FBXL17: variants seen among roughly 807,000 people sequenced by gnomAD.
FBXL17 encodes the protein F-box and leucine rich repeat protein 17.
A neutral mutation model predicts 66.2 loss-of-function variants in FBXL17; 22 were observed. That is an observed-to-expected ratio of 0.33 (90% confidence interval 0.24 to 0.47). The LOEUF (loss-of-function observed/expected upper bound fraction) is 0.47. Ranked by LOEUF, FBXL17 falls within the 20% of genes least tolerant of loss-of-function variation. The probability of loss-of-function intolerance (pLI) is 1.00; values close to 1 mark genes in which losing one functional copy is unlikely to be tolerated. For missense variants in FBXL17, 878 were observed against 948.2 expected (o/e 0.93, Z 0.97); for synonymous variants, 474 against 400.5 (o/e 1.18, Z -2.19).
At chr5:108,098,635 C>T (rs1749479109) in intron 6 of FBXL17, among the ~76,000 whole-genome samples, 1 of 151,284 alleles carries the variant, frequency 6.6e-6, no homozygotes, top group African/African-American at 2.4e-5. Context: ...GTCCCAGCTA[C>T]TCGGGAGGCT....
rs556375472 is a variant in FBXL17 at position 107,868,836 on chromosome 5, A to G, written c.1966-6976T>C. Among the ~76,000 whole-genome samples, 132 of 152,314 alleles carry G rather than the reference A, an allele frequency of 8.7e-4. 1 individual carries two copies. Among genetic ancestry groups the G allele is most frequent in the African/African-American group, 3.1e-3 (129 of 41,558 alleles). On this transcript the variant is annotated intron_variant, in intron 8 of 8. Transcript: ENST00000542267. The stretch of plus-strand genomic sequence containing the variant: ...AAAGAGGTGTCAGCCTGTGTACCAC[A>G]TGCACAAAATATGCACATATTTTTC...
At chr5:108,335,997 T>C (rs1291214730) in intron 4 of FBXL17, among the ~76,000 whole-genome samples, 2 of 152,128 alleles carry the variant, frequency 1.3e-5, no homozygotes, top group African/African-American at 4.8e-5. Context: ...CCTCTCAAAT[T>C]GTCCAAATGT....
chr5:108,170,163 CA>C (rs1382299006), intron 6 of FBXL17, among the ~76,000 whole-genome samples: 7 of 151,772 alleles, frequency 4.6e-5, no homozygotes, highest in Admixed American at 1.3e-4. Flanking sequence ...ATATCAACAC[CA>C]AAAATAGGAA....
At chr5:108,270,815 T>G (rs1008460867) in intron 4 of FBXL17, among the ~76,000 whole-genome samples, 1 of 151,934 alleles carries the variant, frequency 6.6e-6, no homozygotes, top group Non-Finnish European at 1.5e-5. Flanking sequence ...AATTGAAGAG[T>G]TGACAGTTTT....
intron 6 of FBXL17, among the ~76,000 whole-genome samples, chr5:108,022,114 A>T (rs1021067912): frequency 4.6e-5 from 7 of 151,870 alleles, no homozygotes; most frequent in Non-Finnish European, 1.0e-4. Flanking sequence ...TTTTTTAAAA[A>T]TTTTTTATGG....
chr5:107,968,383 G>T (rs1481207895), intron 7 of FBXL17, among the ~76,000 whole-genome samples: 1 of 152,112 alleles, frequency 6.6e-6, no homozygotes, highest in African/African-American at 2.4e-5. Flanking sequence ...AAACCGAGAT[G>T]TAAGCATAAA....
intron 6 of FBXL17, among the ~76,000 whole-genome samples, chr5:108,180,124 G>A (rs913300304): frequency 6.6e-6 from 1 of 152,152 alleles, no homozygotes; most frequent in Admixed American, 6.5e-5. Context: ...TTTAAATACT[G>A]TATATGCCAA....
intron 7 of FBXL17, among the ~76,000 whole-genome samples, chr5:108,016,765 T>C (rs935981002): frequency 7.8e-6 from 1 of 128,060 alleles, no homozygotes; most frequent in Admixed American, 8.1e-5. Context: ...AAATTATCTT[T>C]TTTTCTTTCT....
At chr5:107,924,777 C>A (rs1375990890) in intron 7 of FBXL17, among the ~76,000 whole-genome samples, 3 of 152,126 alleles carry the variant, frequency 2.0e-5, no homozygotes, top group South Asian at 2.1e-4. Flanking sequence ...ATTGAGTAAA[C>A]CATCCATCAC....
At chr5:108,370,822 G>T (rs1439105446) in intron 1 of FBXL17, among the ~76,000 whole-genome samples, 1 of 151,332 alleles carries the variant, frequency 6.6e-6, no homozygotes, top group Non-Finnish European at 1.5e-5. Context: ...GCCCACTACA[G>T]CCTTTTACTT....
intron 4 of FBXL17, among the ~76,000 whole-genome samples, chr5:108,261,408 A>C (rs1756815109): frequency 6.6e-6 from 1 of 152,158 alleles, no homozygotes; most frequent in Non-Finnish European, 1.5e-5. Flanking sequence ...GGTATGGTTA[A>C]ATTTTAGAAC....
At chr5:107,908,945 G>A (rs1037893584) in intron 7 of FBXL17, among the ~76,000 whole-genome samples, 6 of 152,160 alleles carry the variant, frequency 3.9e-5, no homozygotes, top group Non-Finnish European at 5.9e-5. Flanking sequence ...ATCTGCCGTT[G>A]TCAGTGCACA....
At chr5:108,020,573 T>C (rs1754554777) in intron 7 of FBXL17, among the ~76,000 whole-genome samples, 1 of 151,892 alleles carries the variant, frequency 6.6e-6, no homozygotes, top group Non-Finnish European at 1.5e-5. Flanking sequence ...ATAAACTCAA[T>C]GTAATAATTT....
chr5:108,052,006 A>G (rs1027394770), intron 6 of FBXL17, among the ~76,000 whole-genome samples: 2 of 150,898 alleles, frequency 1.3e-5, no homozygotes, highest in African/African-American at 4.9e-5. Flanking sequence ...CCAGCTACTC[A>G]GCAGGCTGAG....
chr5:108,150,449 T>G (rs753132193), intron 6 of FBXL17, among the ~76,000 whole-genome samples: 1 of 152,132 alleles, frequency 6.6e-6, no homozygotes, highest in Non-Finnish European at 1.5e-5. Flanking sequence ...AGTAATCCTC[T>G]GGCTTCCACC....
At chr5:108,230,669 A>C (rs577540648) in intron 4 of FBXL17, among the ~76,000 whole-genome samples, 1 of 151,792 alleles carries the variant, frequency 6.6e-6, no homozygotes, top group Admixed American at 6.6e-5. Context: ...ATCGTCACTG[A>C]AGAACTCACT....
At chr5:108,105,182 T>C (rs976135293) in intron 6 of FBXL17, among the ~76,000 whole-genome samples, 17 of 152,214 alleles carry the variant, frequency 1.1e-4, no homozygotes, top group African/African-American at 3.4e-4. Context: ...TATCAAAAAA[T>C]AGCAGTAAAT....
At chr5:108,118,388 T>C (rs1470332641) in intron 6 of FBXL17, among the ~76,000 whole-genome samples, 3 of 152,172 alleles carry the variant, frequency 2.0e-5, no homozygotes, top group Non-Finnish European at 4.4e-5. Flanking sequence ...TCTGTTACAG[T>C]ATCCCATCTA....
intron 6 of FBXL17, among the ~76,000 whole-genome samples, chr5:108,041,406 GTTTT>G (rs894801583): frequency 2.6e-5 from 4 of 151,692 alleles, no homozygotes; most frequent in Non-Finnish European, 5.9e-5. Flanking sequence ...TTGCCTTTTT[GTTTT>G]TTTGTTTTGT....
Sources: allele counts gnomAD v4.1 joint callset (sites outside exome capture counted in the v4.1 genomes callset), GRCh38; gene constraint gnomAD v4.1.1; transcripts MANE v1.5; gene names NCBI Gene and HGNC (gene_info 2026-07-23, HGNC 2026-07-21).